The following KIF14 variants were observed in gnomAD, a reference collection of about 807,000 sequenced individuals.
The protein encoded by KIF14 is kinesin family member 14, also known as kinesin-like protein KIF14.
KIF14 carries 98 observed loss-of-function variants against 176.2 expected under a neutral mutation model. The ratio of observed to expected loss-of-function variants is 0.56; its 90% CI spans 0.47 to 0.66. KIF14 has a LOEUF of 0.66. Among genes scored for constraint, KIF14 ranks in the 30% least tolerant of loss-of-function variants. The pLI is 0.00. For synonymous variants in KIF14, 566 were observed against 632.2 expected (o/e 0.90, Z 1.57); for missense variants, 1,751 against 1,920.4 (o/e 0.91, Z 1.65).
At chr1:200,573,735 C>G (rs182499360) in intron 22 of KIF14, among the ~76,000 whole-genome samples, 3 of 152,196 alleles carry the variant, frequency 2.0e-5, no homozygotes, top group Non-Finnish European at 4.4e-5. Flanking sequence ...GGGAAAGTTG[C>G]TATAAAATAG....
At chr1:200,583,472 C>T (rs187497238) in intron 19 of KIF14, among the ~76,000 whole-genome samples, 11 of 152,038 alleles carry the variant, frequency 7.2e-5, no homozygotes, top group African/African-American at 2.4e-4. Context: ...TTGAGGATAG[C>T]GGCAACAAGA....
At chr1:200,597,295 G>A (rs1659401331) in intron 14 of KIF14, among the ~76,000 whole-genome samples, 1 of 152,094 alleles carries the variant, frequency 6.6e-6, no homozygotes, top group Non-Finnish European at 1.5e-5. Flanking sequence ...AGAGTAAAAA[G>A]ATGTTACACG....
At chr1:200,607,122 T>C (rs1659921324) in intron 5 of KIF14, among the ~76,000 whole-genome samples, 1 of 143,184 alleles carries the variant, frequency 7.0e-6, no homozygotes, top group African/African-American at 2.6e-5. Context: ...GCATCAGATG[T>C]CTTACTAGTT....
intron 21 of KIF14, among the ~76,000 whole-genome samples, chr1:200,576,355 G>C (rs1658107045): frequency 6.6e-6 from 1 of 151,834 alleles, no homozygotes; most frequent in South Asian, 2.1e-4. Context: ...GCGGGCGCCT[G>C]TAGTCCCAGC....
chr1:200,571,680 T>C (rs1020654611), intron 22 of KIF14, among the ~76,000 whole-genome samples: 1 of 152,166 alleles, frequency 6.6e-6, no homozygotes, highest in Non-Finnish European at 1.5e-5. Context: ...AATATAAAAT[T>C]TCCCCCATGA....
chr1:200,606,624 A>AGGG (rs1220275524), intron 6 of KIF14, 122 bp downstream of exon 6: 14 of 837,954 alleles, frequency 1.7e-5, no homozygotes, highest in Non-Finnish European at 2.8e-5. Context: ...GGCTAAATAA[A>AGGG]TAGTTACCCA....
intron 22 of KIF14, among the ~76,000 whole-genome samples, chr1:200,571,175 C>T (rs1055996697): frequency 1.3e-5 from 2 of 151,936 alleles, no homozygotes; most frequent in African/African-American, 2.4e-5. Flanking sequence ...TCTAGCCGGG[C>T]GTGGTGGCAG....
intron 20 of KIF14, 63 bp from the exon 21 acceptor site, chr1:200,580,446 G>C (rs895147510): frequency 3.5e-5 from 38 of 1,076,994 alleles, no homozygotes; most frequent in Non-Finnish European, 4.7e-5. Flanking sequence ...TATACTAAGA[G>C]TTTTCTGGGG....
Position 200,617,724 on chromosome 1 carries a change from T to C in KIF14, c.1000A>G (p.Ile334Val), listed in dbSNP as rs772171991. 10 of 1,614,064 alleles carry C rather than the reference T, an allele frequency of 6.2e-6. No homozygotes were observed. Among genetic ancestry groups the C allele is most frequent in the South Asian group, 2.2e-5 (2 of 91,092 alleles). ...ACTACAGTTTCTTCTTCGGGAAGAA[T>C]TGTATTTTCTGCGGATCTTTCCTGT... is the stretch of plus-strand genomic sequence containing the variant. ...NKQERSAENT[I>V]LPEEETVVQN... The change falls in exon 2 of 30, where the codon ATT becomes GTT. Residue 334 changes from isoleucine (I) to valine (V), a missense_variant. By Grantham distance (29) the Ile-to-Val change is conservative (BLOSUM62 3). Transcript: ENST00000367350.
At position 200,608,833 on chromosome 1, in the gene KIF14, T is replaced by C; in HGVS notation, c.1551A>G (p.Gln517=). The stretch of plus-strand genomic sequence containing the variant: ...TAATAAATTGTTTTAATCTTACTGG[T>C]TGCTTTCTCTGCCCATTTTCATCTT... ...VCKDENGQRK[Q]PLRVREHPVY... Residue 517 remains glutamine, a synonymous_variant, in exon 5 of 30, where the codon CAA becomes CAG. Coordinates refer to ENST00000367350, the MANE Select transcript of KIF14 (RefSeq NM_014875.3). 1 of 1,561,656 alleles carries C rather than the reference T, an allele frequency of 6.4e-7. No individual in the cohort carries two copies. Among genetic ancestry groups the C allele is most frequent in the Non-Finnish European group, 8.8e-7 (1 of 1,133,542 alleles).
At chr1:200,600,799 G>C (rs1659588621) in intron 11 of KIF14, among the ~76,000 whole-genome samples, 1 of 152,146 alleles carries the variant, frequency 6.6e-6, no homozygotes, top group African/African-American at 2.4e-5. Context: ...TTGTTAAAGT[G>C]AAAGTTTATT....
intron 19 of KIF14, among the ~76,000 whole-genome samples, chr1:200,585,867 T>C (rs1201143203): frequency 6.6e-6 from 1 of 152,142 alleles, no homozygotes; most frequent in Non-Finnish European, 1.5e-5. Flanking sequence ...ATTCAATATA[T>C]TAATTTTGGG....
intron 25 of KIF14, 56 bp downstream of exon 25, chr1:200,565,013 G>A: frequency 7.3e-7 from 1 of 1,368,672 alleles, no homozygotes; most frequent in Non-Finnish European, 1.0e-6. Flanking sequence ...ACAGTAGAAA[G>A]CCAATAAATA....
chr1:200,580,462 T>C lies in KIF14; in HGVS notation c.3336-79A>G, dbSNP rs10753877. The stretch of plus-strand genomic sequence containing the variant: ...ATACTAAGAGTTTTCTGGGGTAGAA[T>C]AATTTCCCTAAAAATTCCATCCACT... On this transcript the variant is annotated intron_variant, in intron 20 of 29. Transcript: ENST00000367350. 503,869 of 877,856 alleles carry C rather than the reference T, an allele frequency of 0.57. 146,772 individuals carry two copies. Among genetic ancestry groups the C allele is most frequent in the East Asian group, 0.69 (21,579 of 31,200 alleles). The allele number at this position is 877,856 out of a possible 1,614,324, so 54.4% of individuals were successfully genotyped here. A position where few individuals can be genotyped will look rare whatever the true frequency, so the allele number is the denominator to read the frequency against.
rs763047003 is a variant in KIF14 at position 200,598,287 on chromosome 1, G to A, written c.2499C>T (p.Asn833=). ...GTTTVGKYKP[N]SSHDIQLSGV... ...CAGATAACTGAATATCATGGCTTGAGTTTGGTTTATACTTTCCAACTGTAG... is the reference window on the plus strand; with the variant it reads ...CAGATAACTGAATATCATGGCTTGAATTTGGTTTATACTTTCCAACTGTAG... The change falls in exon 14 of 30, where the codon AAC becomes AAT. Residue 833 remains asparagine (N), a synonymous_variant. Coordinates refer to ENST00000367350, the MANE Select transcript of KIF14 (RefSeq NM_014875.3). 6.2e-7 allele frequency: 1 copy of A among 1,613,270 alleles called. No individual in the cohort carries two copies. The highest frequency in any genetic ancestry group is 8.5e-7 in the Non-Finnish European group (1 of 1,179,688).
chr1:200,591,847 C>T (rs1255885303), intron 16 of KIF14, among the ~76,000 whole-genome samples: 1 of 152,176 alleles, frequency 6.6e-6, no homozygotes, highest in Non-Finnish European at 1.5e-5. Flanking sequence ...TCTTTCAGCA[C>T]ATGAGCTAAA....
intron 14 of KIF14, 114 bp downstream of exon 14, chr1:200,598,115 ACAATGGGT>A: frequency 1.2e-6 from 1 of 803,126 alleles, no homozygotes. Flanking sequence ...TCCTGACTAA[ACAATGGGT>A]TTGAAGAATT....
chr1:200,554,426 A>T (rs761685646), intron 29 of KIF14, 42 bp downstream of exon 29: 3 of 1,332,076 alleles, frequency 2.3e-6, no homozygotes, highest in Admixed American at 2.2e-5. Context: ...GGTTCCTTAA[A>T]ATATAAAATT....
chr1:200,615,562 T>C lies in KIF14; in HGVS notation c.1160A>G (p.Glu387Gly), dbSNP rs1296502426. The C allele has an allele frequency of 6.2e-7, 1 of 1,613,740 alleles. No individual in the cohort carries two copies. Among genetic ancestry groups the C allele is most frequent in the African/African-American group, 1.3e-5 (1 of 74,928 alleles). The change falls in exon 3 of 30, where the codon GAA (glutamate) becomes GGA (glycine). Residue 387 changes from glutamate (E) to glycine (G), a missense_variant. Coordinates refer to ENST00000367350, the MANE Select transcript of KIF14 (RefSeq NM_014875.3). Reference sequence around the variant, plus strand: ...CGTGTCAGGGTGTTCCACAGTTATTTCTTTCCCACTCATGAAGACTACCTG... The same window carrying C: ...CGTGTCAGGGTGTTCCACAGTTATTCCTTTCCCACTCATGAAGACTACCTG... ...ASQVVFMSGK[E>G]ITVEHPDTKQ...
Sources: gnomAD v4.1 joint callset for allele counts (sites outside exome capture counted in the v4.1 genomes callset) on GRCh38, gnomAD v4.1.1 for gene constraint, MANE v1.5 for transcripts, NCBI Gene and HGNC (gene_info 2026-07-23, HGNC 2026-07-21) for gene names.